The following ANKRD24 variants were observed in gnomAD, a reference collection of about 807,000 sequenced individuals.
The protein encoded by ANKRD24 is ankyrin repeat domain-containing protein 24.
A neutral mutation model predicts 127.8 loss-of-function variants in ANKRD24; 109 were observed. The ratio of observed to expected loss-of-function variants is 0.85; its 90% CI spans 0.73 to 1.00. The LOEUF (loss-of-function observed/expected upper bound fraction) is 1.00. Ranked by LOEUF, ANKRD24 falls within the 50% of genes least tolerant of loss-of-function variation. The pLI, the probability that ANKRD24 is intolerant of heterozygous loss-of-function variation, is 0.00. For missense variants in ANKRD24, 1,648 were observed against 1,570.2 expected (o/e 1.05, Z -0.84); for synonymous variants, 743 against 671.1 (o/e 1.11, Z -1.66).
In ANKRD24 at chr19:4,216,713, T is replaced by A. The variant is rs374524504; in HGVS notation, c.1553T>A (p.Val518Asp). ...CTGAGGCAGCAGGAGACACGAGAGG[T>A]CCCCAGAGAAGAGGGGGCAGCCTGT... ...QALRQQETRE[V>D]PREEGAACGE... is the part of the protein sequence containing the mutation. The change falls in exon 18 of 22, where the codon GTC (valine) becomes GAC (aspartate). Residue 518 changes from valine to aspartate, a missense_variant. Val to Asp is a radical substitution (Grantham distance 152). Transcript: ENST00000318934. 13 of 1,578,352 alleles carry A rather than the reference T, an allele frequency of 8.2e-6. No homozygotes were observed. Among genetic ancestry groups the A allele is most frequent in the Non-Finnish European group, 1.1e-5 (13 of 1,162,742 alleles).
chr19:4,216,851 A>G lies in ANKRD24; in HGVS notation c.1691A>G (p.Glu564Gly), dbSNP rs559841039. Residue 564 changes from glutamate to glycine, a missense_variant, in exon 18 of 22, where the codon GAG (glutamate) becomes GGG (glycine). Physicochemically the swap from Glu to Gly is moderately conservative, Grantham distance 98. Coordinates refer to ENST00000318934, the MANE Select transcript of ANKRD24 (RefSeq NM_001393985.1). ...GTTAACGGAGCCGAGACCATAGATG[A>G]GGAGGCTGCAGGAGATGAAACCATG... ...TKVNGAETID[E>G]EAAGDETMEA... The G allele has an allele frequency of 1.4e-5, 23 of 1,610,684 alleles. No homozygotes were observed. In the East Asian group the frequency reaches 4.9e-4, roughly 34 times the overall value.
chr19:4,186,000 T>C (rs544426348), intron 1 of ANKRD24, among the ~76,000 whole-genome samples: 1 of 152,030 alleles, frequency 6.6e-6, no homozygotes, highest in South Asian at 2.1e-4. Flanking sequence ...AAGAAACCAT[T>C]CTAGGCAGAA....
In ANKRD24 at chr19:4,216,610, A is replaced by G. The variant is rs1017098852; in HGVS notation, c.1450A>G (p.Ile484Val). The change falls in exon 18 of 22, where the codon ATC becomes GTC. Residue 484 changes from isoleucine to valine, a missense_variant. Ile to Val is a conservative substitution (Grantham distance 29). Transcript: ENST00000318934. ...GGAAGTGGAAGCTTTGGCAGAGGTC[A>G]TCCCTCTTGCCCTCTATGACTCTCT... ...QMEVEALAEV[I>V]PLALYDSLRA... 1.9e-6 allele frequency: 3 copies of G among 1,611,506 alleles called. No homozygotes were observed. In the African/African-American group the frequency reaches 4.0e-5, roughly 22 times the overall value.
chr19:4,222,693 C>A lies in ANKRD24; in HGVS notation c.3195C>A (p.Val1065=). ...AGATCACAGAACTCTCCAAAGAAGTCTTCAATCTTAAGGAAGCCTTGAAGG... is the reference window on the plus strand; with the variant it reads ...AGATCACAGAACTCTCCAAAGAAGTATTCAATCTTAAGGAAGCCTTGAAGG... ...DKKITELSKE[V]FNLKEALKEQ... Residue 1065 remains valine (V), a synonymous_variant, in exon 20 of 22, where the codon GTC becomes GTA. Coordinates refer to ENST00000318934, the MANE Select transcript of ANKRD24 (RefSeq NM_001393985.1). 1 of 1,611,394 alleles carries A rather than the reference C, an allele frequency of 6.2e-7. No homozygotes were observed. Among genetic ancestry groups the A allele is most frequent in the South Asian group, 1.1e-5 (1 of 90,760 alleles).
intron 15 of ANKRD24, among the ~76,000 whole-genome samples, chr19:4,215,573 C>T (rs1383609746): frequency 2.0e-5 from 3 of 146,756 alleles, no homozygotes; most frequent in Non-Finnish European, 4.4e-5. Context: ...TCGAGACTAG[C>T]CTGGGCGACG....
intron 5 of ANKRD24, 26 bp downstream of exon 5, chr19:4,200,197 G>A (rs778029165): frequency 6.4e-7 from 1 of 1,572,176 alleles, no homozygotes; most frequent in Admixed American, 1.8e-5. Context: ...CCCCGGGGAG[G>A]GAGGAGGAAC....
At position 4,219,779 on chromosome 19, in the gene ANKRD24, A is replaced by C. The variant is rs762594671; in HGVS notation, c.3171+21A>C. On this transcript the variant is annotated intron_variant, in intron 19 of 21. Transcript: ENST00000318934. ...AGAAGGTGGGTGCCCCCTCTCCCAC[A>C]CTCAGTCAGGGAGGCATCCACTCAG... 5 of 1,583,108 alleles carry C rather than the reference A, an allele frequency of 3.2e-6. No homozygotes were observed. The South Asian group carries it at 4.5e-5, about 14-fold the overall frequency.
intron 2 of ANKRD24, among the ~76,000 whole-genome samples, chr19:4,194,262 C>G (rs989597626): frequency 6.6e-6 from 1 of 152,192 alleles, no homozygotes; most frequent in South Asian, 2.1e-4. Flanking sequence ...AAGCGATTCT[C>G]CTGCCTCAGA....
intron 2 of ANKRD24, among the ~76,000 whole-genome samples, chr19:4,187,758 C>A (rs1332376610): frequency 6.6e-6 from 1 of 152,202 alleles, no homozygotes; most frequent in Non-Finnish European, 1.5e-5. Context: ...GTTTTCGTAT[C>A]ATGGGATACA....
intron 2 of ANKRD24, among the ~76,000 whole-genome samples, chr19:4,196,095 G>A (rs78681678): frequency 0.095 from 14,410 of 152,242 alleles, 759 homozygotes; most frequent in Non-Finnish European, 0.12. Flanking sequence ...GCACCCTGCA[G>A]TGCCCAGGAC....
At chr19:4,205,299 C>T (rs1969323083) in intron 7 of ANKRD24, among the ~76,000 whole-genome samples, 1 of 152,204 alleles carries the variant, frequency 6.6e-6, no homozygotes, top group African/African-American at 2.4e-5. Flanking sequence ...TGTCAGGCAC[C>T]GTTCTACGTG....
Position 4,217,585 on chromosome 19 carries a change from G to T in ANKRD24, c.2425G>T (p.Glu809Ter). Residue 809 changes from glutamate to a stop codon, truncating the protein, a stop_gained, in exon 18 of 22, where the codon GAG (glutamate) becomes TAG (stop). Transcript: ENST00000318934. LOFTEE classifies it high-confidence loss of function. ...RDRDSRLREL[E>*]AASACLDEAR... Reference sequence around the variant, plus strand: ...CCGGGACTCCCGCCTGCGGGAGCTGGAGGCGGCCTCGGCCTGCCTGGATGA... The same window carrying T: ...CCGGGACTCCCGCCTGCGGGAGCTGTAGGCGGCCTCGGCCTGCCTGGATGA... 7.6e-7 allele frequency: 1 copy of T among 1,309,574 alleles called. No individual in the cohort carries two copies. Among genetic ancestry groups the T allele is most frequent in the Non-Finnish European group, 9.7e-7 (1 of 1,033,808 alleles). The allele number at this position is 1,309,574 out of a possible 1,614,324, so 81.1% of individuals were successfully genotyped here. A position where few individuals can be genotyped will look rare whatever the true frequency, so the allele number is the denominator to read the frequency against.
At chr19:4,203,954 TC>T (rs1264003336) in intron 7 of ANKRD24, among the ~76,000 whole-genome samples, 2 of 107,366 alleles carry the variant, frequency 1.9e-5, no homozygotes, top group East Asian at 6.1e-4. Context: ...CCGGCCCTTC[TC>T]CCTTTTTTTT....
chr19:4,206,591 C>T (rs1480894162), intron 7 of ANKRD24, among the ~76,000 whole-genome samples: 1 of 152,038 alleles, frequency 6.6e-6, no homozygotes, highest in Non-Finnish European at 1.5e-5. Flanking sequence ...CCCAGGAGTT[C>T]GGGACCAGTC....
chr19:4,200,046 G>T, intron 4 of ANKRD24, 37 bp from the exon 5 acceptor site: 1 of 1,568,148 alleles, frequency 6.4e-7, no homozygotes, highest in Non-Finnish European at 8.7e-7. Context: ...CTGAGGGGTG[G>T]CAACCTTGCG....
chr19:4,207,901 C>A lies in ANKRD24; in HGVS notation c.765C>A (p.Ala255=). The change falls in exon 10 of 22, where the codon GCC becomes GCA. Residue 255 remains alanine (A), a synonymous_variant. Transcript: ENST00000318934. ...ALGQDAAHYG[A]LAGDKLILHL... is the part of the protein sequence containing the mutation. ...GGCAGGACGCGGCTCACTATGGCGC[C>A]CTGGCGGGGGACAAACTCATCCTGC... The A allele has an allele frequency of 6.4e-7, 1 of 1,555,790 alleles. No individual in the cohort carries two copies. Among genetic ancestry groups the A allele is most frequent in the African/African-American group, 1.4e-5 (1 of 73,082 alleles).
At chr19:4,197,672 AATGG>A (rs1381530929) in intron 2 of ANKRD24, among the ~76,000 whole-genome samples, 1 of 152,030 alleles carries the variant, frequency 6.6e-6, no homozygotes, top group African/African-American at 2.4e-5. Context: ...TGAATGAATG[AATGG>A]GTGAGCCCGT....
intron 2 of ANKRD24, 113 bp downstream of exon 2, chr19:4,186,574 C>A: frequency 8.1e-7 from 1 of 1,227,218 alleles, no homozygotes; most frequent in Non-Finnish European, 1.2e-6. Context: ...TTCTCCTTTC[C>A]TCTCTGCTGC....
At chr19:4,220,253 G>A (rs1030875381) in intron 19 of ANKRD24, among the ~76,000 whole-genome samples, 8 of 152,292 alleles carry the variant, frequency 5.3e-5, no homozygotes, top group Middle Eastern at 3.4e-3. Flanking sequence ...GGTTACAGGC[G>A]TGAGCCACTG....
Sources: gnomAD v4.1 joint callset for allele counts (sites outside exome capture counted in the v4.1 genomes callset) on GRCh38, gnomAD v4.1.1 for gene constraint, MANE v1.5 for transcripts, NCBI Gene and HGNC (gene_info 2026-07-23, HGNC 2026-07-21) for gene names.